DOCK2: variants seen among roughly 807,000 people sequenced by gnomAD.
DOCK2 encodes the protein dedicator of cytokinesis protein 2.
DOCK2 carries 87 observed loss-of-function variants against 248.9 expected under a neutral mutation model. The ratio of observed to expected loss-of-function variants is 0.35; its 90% CI spans 0.29 to 0.42. DOCK2 has a LOEUF of 0.42. Among genes scored for constraint, DOCK2 ranks in the 10% least tolerant of loss-of-function variants. DOCK2 has a pLI of 1.00. For missense variants in DOCK2, 1,747 were observed against 2,300.2 expected, an observed-to-expected ratio of 0.76 and a Z score of 4.92; for synonymous variants, 805 against 821.6, an observed-to-expected ratio of 0.98 and a Z score of 0.35.
At chr5:169,780,955 A>G (rs1765680844) in intron 25 of DOCK2, among the ~76,000 whole-genome samples, 1 of 152,246 alleles carries the variant, frequency 6.6e-6, no homozygotes, top group Non-Finnish European at 1.5e-5. Context: ...AATGTGAGCT[A>G]TACATACATT....
intron 27 of DOCK2, among the ~76,000 whole-genome samples, chr5:169,859,649 T>C (rs956140421): frequency 1.8e-4 from 28 of 152,374 alleles, no homozygotes; most frequent in Non-Finnish European, 3.7e-4. Context: ...TCTAGCCTTA[T>C]GCTTCCTGGA....
chr5:170,002,356 A>G (rs974691306), intron 30 of DOCK2, among the ~76,000 whole-genome samples: 2 of 152,216 alleles, frequency 1.3e-5, no homozygotes, highest in African/African-American at 2.4e-5. Flanking sequence ...AGATCTGTAT[A>G]TGCTAATATA....
intron 27 of DOCK2, among the ~76,000 whole-genome samples, chr5:169,867,419 GTCTGT>G (rs1771640126): frequency 6.8e-6 from 1 of 146,732 alleles, no homozygotes; most frequent in Non-Finnish European, 1.5e-5. Flanking sequence ...CTGTCTGTCT[GTCTGT>G]CTGTCTGTCT....
chr5:170,074,187 G>C (rs1329715425), intron 46 of DOCK2, among the ~76,000 whole-genome samples: 1 of 151,942 alleles, frequency 6.6e-6, no homozygotes, highest in African/African-American at 2.4e-5. Context: ...GATCTTTTCT[G>C]TTCCTATATA....
At chr5:169,801,151 T>G (rs1310138703) in intron 25 of DOCK2, among the ~76,000 whole-genome samples, 13,199 of 60,922 alleles carry the variant, frequency 0.22, 1,992 homozygotes, top group Non-Finnish European at 0.34. Flanking sequence ...TTTGGGTTTT[T>G]TTTTTTTTTT....
chr5:169,664,130 A>C (rs1199102466), intron 2 of DOCK2, among the ~76,000 whole-genome samples: 3 of 152,202 alleles, frequency 2.0e-5, no homozygotes, highest in Admixed American at 6.5e-5. Flanking sequence ...CAGATACCCT[A>C]AATCATCTCT....
Position 169,985,826 on chromosome 5 carries a change from A to G in DOCK2, c.2899-2A>G. 6.2e-7 allele frequency: 1 copy of G among 1,606,942 alleles called. No homozygotes were observed. Among genetic ancestry groups the G allele is most frequent in the Non-Finnish European group, 8.5e-7 (1 of 1,175,750 alleles). On this transcript the variant is annotated splice_acceptor_variant, in intron 28 of 51. Transcript: ENST00000520908. LOFTEE classifies it high-confidence loss of function. ...CATGTGTGCTGTGCTTCATTGTTTC[A>G]GGACTTCTTGATGGAGACCTTCATC...
intron 27 of DOCK2, chr5:169,884,871 AT>A (rs771577465): frequency 6.6e-6 from 1 of 152,300 alleles, no homozygotes; most frequent in East Asian, 1.9e-4. Context: ...GTGGACCTGG[AT>A]TTCTCTTCAA....
At chr5:170,070,850 C>T (rs1235975008) in intron 46 of DOCK2, among the ~76,000 whole-genome samples, 1 of 152,220 alleles carries the variant, frequency 6.6e-6, no homozygotes, top group Non-Finnish European at 1.5e-5. Context: ...CCAAGCTGTA[C>T]CTTCCAAGAA....
intron 26 of DOCK2, among the ~76,000 whole-genome samples, chr5:169,814,415 C>G (rs891492850): frequency 8.5e-5 from 13 of 152,158 alleles, no homozygotes; most frequent in African/African-American, 3.1e-4. Flanking sequence ...GTGGCACTCT[C>G]ACAGATTTGG....
At chr5:169,740,690 G>A (rs879345648) in intron 22 of DOCK2, among the ~76,000 whole-genome samples, 1 of 152,172 alleles carries the variant, frequency 6.6e-6, no homozygotes, top group Non-Finnish European at 1.5e-5. Context: ...GTTGACACTA[G>A]CAACACTGTA....
At chr5:170,024,049 C>T (rs1337051250) in intron 33 of DOCK2, among the ~76,000 whole-genome samples, 6 of 152,186 alleles carry the variant, frequency 3.9e-5, no homozygotes, top group Non-Finnish European at 1.5e-5. Flanking sequence ...AGAGGGAGGC[C>T]CAGGCAGAAG....
chr5:169,637,424 C>G lies in DOCK2; in HGVS notation c.43+55C>G, dbSNP rs1360372741. 19 of 1,304,912 alleles carry G rather than the reference C, an allele frequency of 1.5e-5. No individual in the cohort carries two copies. In the Admixed American group the frequency reaches 4.9e-4, roughly 34 times the overall value. The allele number at this position is 1,304,912 out of a possible 1,614,324, so 80.8% of individuals were successfully genotyped here. On this transcript the variant is annotated intron_variant, in intron 1 of 51. Coordinates refer to ENST00000520908, the MANE Select transcript of DOCK2 (RefSeq NM_004946.3). ...AGCGGGACAGGTGGCGGGAGAGCCG[C>G]GAGCAGGAGGATGCTGCGGGGCCGG...
intron 27 of DOCK2, among the ~76,000 whole-genome samples, chr5:169,859,126 C>T (rs1021589142): frequency 6.6e-6 from 1 of 152,170 alleles, no homozygotes; most frequent in African/African-American, 2.4e-5. Flanking sequence ...ACAGGATGCC[C>T]ACAGTGGAGA....
At chr5:169,808,006 G>A (rs1271262716) in intron 26 of DOCK2, among the ~76,000 whole-genome samples, 1 of 152,126 alleles carries the variant, frequency 6.6e-6, no homozygotes, top group African/African-American at 2.4e-5. Flanking sequence ...ACTGTAGAAT[G>A]TGCTGTTTGC....
chr5:169,943,018 A>G (rs1776301523), intron 27 of DOCK2, among the ~76,000 whole-genome samples: 1 of 152,230 alleles, frequency 6.6e-6, no homozygotes, highest in Admixed American at 6.5e-5. Flanking sequence ...AATAGCTAAA[A>G]AAGAGGAATA....
chr5:170,081,034 CCTT>C (rs1183566994), intron 50 of DOCK2: 2 of 152,524 alleles, frequency 1.3e-5, no homozygotes, highest in African/African-American at 4.8e-5. Flanking sequence ...AACTGCTACT[CCTT>C]CTTTATTTCA....
At chr5:169,900,425 G>A (rs925720467) in intron 27 of DOCK2, among the ~76,000 whole-genome samples, 8 of 152,272 alleles carry the variant, frequency 5.3e-5, no homozygotes, top group Admixed American at 3.9e-4. Context: ...CTTAATTATC[G>A]TGGCTGGGCG....
At position 169,908,581 on chromosome 5, in the gene DOCK2, A is replaced by G. The variant is rs1296857062; in HGVS notation, c.2799+67729A>G. Among the ~76,000 whole-genome samples, 6 of 152,308 alleles carry G rather than the reference A, an allele frequency of 3.9e-5. No individual in the cohort carries two copies. In the East Asian group the frequency reaches 9.6e-4, roughly 24 times the overall value. Reference sequence around the variant, plus strand: ...ATATGGGTCCTGGACGTTTTTGTCTATCTATAAATGCCAAGCAACATATTG... The same window carrying G: ...ATATGGGTCCTGGACGTTTTTGTCTGTCTATAAATGCCAAGCAACATATTG... On this transcript the variant is annotated intron_variant, in intron 27 of 51. Coordinates refer to ENST00000520908, the MANE Select transcript of DOCK2 (RefSeq NM_004946.3).
Sources: allele counts gnomAD v4.1 joint callset (sites outside exome capture counted in the v4.1 genomes callset), GRCh38; gene constraint gnomAD v4.1.1; transcripts MANE v1.5; gene names NCBI Gene and HGNC (gene_info 2026-07-23, HGNC 2026-07-21).